NALF1: variants seen among roughly 807,000 people sequenced by gnomAD.
NALF1 encodes family with sequence similarity 155 member A.
A neutral mutation model predicts 48.4 loss-of-function variants in NALF1; 3 were observed. That is an observed-to-expected ratio of 0.06 (90% CI 0.03 to 0.16). NALF1 has a LOEUF of 0.16. Among genes scored for constraint, NALF1 ranks in the 10% least tolerant of loss-of-function variants. The probability of loss-of-function intolerance (pLI) is 1.00; values close to 1 mark genes in which losing one functional copy is unlikely to be tolerated. For missense variants in NALF1, 526 were observed against 571.5 expected (o/e 0.92, Z 0.81); for synonymous variants, 262 against 245.7 (o/e 1.07, Z -0.62).
At chr13:107,596,054 A>C (rs1333863492) in intron 1 of NALF1, among the ~76,000 whole-genome samples, 1 of 152,186 alleles carries the variant, frequency 6.6e-6, no homozygotes, top group Non-Finnish European at 1.5e-5. Context: ...GGAAGGTATC[A>C]GTCTTCGAGG....
intron 1 of NALF1, among the ~76,000 whole-genome samples, chr13:107,560,137 A>T (rs1877603913): frequency 6.6e-6 from 1 of 152,176 alleles, no homozygotes; most frequent in Non-Finnish European, 1.5e-5. Context: ...GGAAACATTG[A>T]CTTTGAAACG....
intron 1 of NALF1, among the ~76,000 whole-genome samples, chr13:107,691,278 C>G (rs1234535632): frequency 6.6e-6 from 1 of 152,144 alleles, no homozygotes; most frequent in Non-Finnish European, 1.5e-5. Context: ...AGGAGCCAAC[C>G]CTGCCAGCAC....
intron 1 of NALF1, among the ~76,000 whole-genome samples, chr13:107,336,411 C>G (rs961695249): frequency 1.3e-5 from 2 of 151,706 alleles, no homozygotes; most frequent in Non-Finnish European, 2.9e-5. Flanking sequence ...AATATCTTCA[C>G]GAGTAGAAAA....
At chr13:107,291,915 T>C (rs1881628451) in intron 1 of NALF1, among the ~76,000 whole-genome samples, 1 of 152,220 alleles carries the variant, frequency 6.6e-6, no homozygotes, top group South Asian at 2.1e-4. Flanking sequence ...ATAAAACATT[T>C]AGCTTCTTAC....
At chr13:107,313,582 T>C (rs1321255090) in intron 1 of NALF1, among the ~76,000 whole-genome samples, 2 of 152,092 alleles carry the variant, frequency 1.3e-5, no homozygotes, top group Non-Finnish European at 1.5e-5. Flanking sequence ...TCTTCACAGG[T>C]GTGGGAAAAA....
In NALF1 at chr13:107,864,164, C is replaced by T. The variant is rs149246958; in HGVS notation, c.915+1518G>A. ...CTACCATTAAAGTTTTATTCCCAGG[C>T]ATAAGTTAAAGTGATATGGTTAAAA... On this transcript the variant is annotated intron_variant, in intron 1 of 2. Coordinates refer to ENST00000375915, the MANE Select transcript of NALF1 (RefSeq NM_001080396.3). 1.6e-4 allele frequency among the ~76,000 whole-genome samples: 25 copies of T among 152,164 alleles called. No homozygotes were observed. The East Asian group carries it at 4.4e-3, about 27-fold the overall frequency.
At chr13:107,612,195 C>G (rs996070848) in intron 1 of NALF1, among the ~76,000 whole-genome samples, 1 of 149,652 alleles carries the variant, frequency 6.7e-6, no homozygotes. Context: ...AACAATAATG[C>G]ATGATTCCAA....
intron 1 of NALF1, among the ~76,000 whole-genome samples, chr13:107,758,646 G>A (rs536433913): frequency 5.9e-5 from 9 of 152,066 alleles, no homozygotes; most frequent in Non-Finnish European, 4.4e-5. Context: ...GCGTGAACCC[G>A]GGAGATGGAG....
chr13:107,318,600 G>A (rs1339097670), intron 1 of NALF1, among the ~76,000 whole-genome samples: 2 of 152,058 alleles, frequency 1.3e-5, no homozygotes, highest in Non-Finnish European at 2.9e-5. Context: ...ACGTATTGTG[G>A]TGGGACTAGA....
chr13:107,225,962 AAAAC>A (rs144435582), intron 1 of NALF1, among the ~76,000 whole-genome samples: 59,383 of 151,408 alleles, frequency 0.39, 11,879 homozygotes, highest in Middle Eastern at 0.5. Context: ...CTTACACATT[AAAAC>A]AAACAAACAA....
intron 1 of NALF1, among the ~76,000 whole-genome samples, chr13:107,555,940 A>C (rs1485465875): frequency 1.3e-5 from 2 of 152,096 alleles, no homozygotes; most frequent in South Asian, 2.1e-4. Context: ...CTTAATCTTA[A>C]GTAAGTAAAA....
At chr13:107,694,212 A>G (rs1443460455) in intron 1 of NALF1, among the ~76,000 whole-genome samples, 1 of 152,208 alleles carries the variant, frequency 6.6e-6, no homozygotes, top group Non-Finnish European at 1.5e-5. Context: ...CTACTCAAGT[A>G]AGGAGTTTCT....
chr13:107,381,006 A>T lies in NALF1; in HGVS notation c.916-170251T>A, dbSNP rs1330953659. 9.3e-5 allele frequency among the ~76,000 whole-genome samples: 14 copies of T among 150,058 alleles called. No homozygotes were observed. In the East Asian group the frequency reaches 2.1e-3, roughly 23 times the overall value. On this transcript the variant is annotated intron_variant, in intron 1 of 2. Coordinates refer to ENST00000375915, the MANE Select transcript of NALF1 (RefSeq NM_001080396.3). ...AAAAAAAAAAAAAAAGAATACATAC[A>T]TTTTAGTAGAACTGGTTTATTTTCA...
At chr13:107,279,918 G>C (rs1049555660) in intron 1 of NALF1, among the ~76,000 whole-genome samples, 1 of 152,060 alleles carries the variant, frequency 6.6e-6, no homozygotes, top group Non-Finnish European at 1.5e-5. Context: ...AATTGCATTT[G>C]CTCAATCCTT....
intron 1 of NALF1, among the ~76,000 whole-genome samples, chr13:107,795,400 C>T (rs1469999785): frequency 2.0e-5 from 3 of 151,808 alleles, no homozygotes; most frequent in Non-Finnish European, 4.4e-5. Flanking sequence ...TTTTTTTCAC[C>T]TTAACACAGA....
At chr13:107,320,659 A>G (rs1882237635) in intron 1 of NALF1, among the ~76,000 whole-genome samples, 1 of 152,124 alleles carries the variant, frequency 6.6e-6, no homozygotes, top group South Asian at 2.1e-4. Context: ...GTTTATGGAC[A>G]TTCACTAAGT....
intron 1 of NALF1, among the ~76,000 whole-genome samples, chr13:107,809,948 CTCATTTCCA>C (rs1271205460): frequency 6.6e-6 from 1 of 152,030 alleles, no homozygotes; most frequent in African/African-American, 2.4e-5. Context: ...TATCATGTCT[CTCATTTCCA>C]TTCTCTCTCT....
At chr13:107,857,909 C>T (rs1392397012) in intron 1 of NALF1, among the ~76,000 whole-genome samples, 1 of 152,188 alleles carries the variant, frequency 6.6e-6, no homozygotes, top group African/African-American at 2.4e-5. Context: ...TCATCAAGCC[C>T]TAGGCAAGGT....
At chr13:107,441,810 G>A (rs940665110) in intron 1 of NALF1, among the ~76,000 whole-genome samples, 1 of 152,140 alleles carries the variant, frequency 6.6e-6, no homozygotes, top group Non-Finnish European at 1.5e-5. Context: ...GCCCCTCTAG[G>A]GGTATTAATA....
Sources: allele counts gnomAD v4.1 joint callset (sites outside exome capture counted in the v4.1 genomes callset), GRCh38; gene constraint gnomAD v4.1.1; transcripts MANE v1.5; gene names NCBI Gene and HGNC (gene_info 2026-07-23, HGNC 2026-07-21).